Variants in RAB6B observed in about 807,000 individuals in gnomAD.
The protein encoded by RAB6B is RAB6B, member RAS oncogene family.
RAB6B carries 7 observed loss-of-function variants against 31.2 expected under a neutral mutation model. The observed-to-expected ratio is 0.22, with a 90% CI of 0.13 to 0.42. The LOEUF is 0.42. Among genes scored for constraint, RAB6B ranks in the 10% least tolerant of loss-of-function variants. The pLI, the probability that RAB6B is intolerant of heterozygous loss-of-function variation, is 1.00. For synonymous variants in RAB6B, 105 were observed against 104.9 expected (o/e 1.00, Z -0.01); for missense variants, 149 against 280.6 (o/e 0.53, Z 3.35).
chr3:133,834,810 C>T (rs570689868), intron 6 of RAB6B, among the ~76,000 whole-genome samples, 169 bp from the exon 7 acceptor site: 90 of 152,270 alleles, frequency 5.9e-4, no homozygotes, highest in Middle Eastern at 3.4e-3. Flanking sequence ...GTTCTCTCTC[C>T]CCCACCTCTC....
chr3:133,884,517 G>A (rs1038476424), intron 1 of RAB6B, among the ~76,000 whole-genome samples: 8 of 152,232 alleles, frequency 5.3e-5, no homozygotes, highest in Admixed American at 1.3e-4. Context: ...TGGGGACTCC[G>A]GAGCTTGCTG....
chr3:133,846,339 T>C (rs1180397798), intron 2 of RAB6B, among the ~76,000 whole-genome samples: 4 of 152,096 alleles, frequency 2.6e-5, no homozygotes, highest in Non-Finnish European at 5.9e-5. Flanking sequence ...CCCAGTTACT[T>C]AGAAGGCTGA....
chr3:133,848,813 G>A (rs1229208551), intron 2 of RAB6B, among the ~76,000 whole-genome samples: 2 of 151,662 alleles, frequency 1.3e-5, no homozygotes, highest in East Asian at 3.9e-4. Flanking sequence ...CCGTCACAAT[G>A]GGAATTCAAT....
chr3:133,860,829 G>T (rs891339888), intron 2 of RAB6B, among the ~76,000 whole-genome samples: 1 of 152,192 alleles, frequency 6.6e-6, no homozygotes, highest in African/African-American at 2.4e-5. Context: ...TAAGTCAGTG[G>T]TTTCCTAATT....
At chr3:133,840,002 A>G (rs1274593793) in intron 4 of RAB6B, among the ~76,000 whole-genome samples, 2 of 152,010 alleles carry the variant, frequency 1.3e-5, no homozygotes, top group African/African-American at 2.4e-5. Flanking sequence ...ACACACACAC[A>G]CACATGCGCG....
intron 1 of RAB6B, among the ~76,000 whole-genome samples, chr3:133,865,101 G>A (rs1016167607): frequency 6.6e-6 from 1 of 152,234 alleles, no homozygotes; most frequent in East Asian, 1.9e-4. Context: ...GATTGGTGGG[G>A]ACAGTGGCTT....
chr3:133,855,273 AGAAGC>A (rs547465187), intron 2 of RAB6B, among the ~76,000 whole-genome samples: 11 of 152,394 alleles, frequency 7.2e-5, no homozygotes, highest in Admixed American at 7.2e-4. Flanking sequence ...TATCCTTGCC[AGAAGC>A]GCAGTAATGC....
At chr3:133,849,014 C>G (rs1243910562) in intron 2 of RAB6B, among the ~76,000 whole-genome samples, 1 of 152,190 alleles carries the variant, frequency 6.6e-6, no homozygotes, top group Non-Finnish European at 1.5e-5. Flanking sequence ...CCAGCCTCCA[C>G]TTTATATTTT....
chr3:133,883,459 C>A (rs1212961675), intron 1 of RAB6B, among the ~76,000 whole-genome samples: 2 of 152,160 alleles, frequency 1.3e-5, no homozygotes, highest in African/African-American at 4.8e-5. Flanking sequence ...ATGGACAGCA[C>A]CCTGCCCGGA....
chr3:133,844,326 T>C (rs529876166), intron 2 of RAB6B, among the ~76,000 whole-genome samples: 41 of 152,300 alleles, frequency 2.7e-4, no homozygotes, highest in Non-Finnish European at 5.4e-4. Flanking sequence ...CTCTCTTAAT[T>C]CCTGCTTCCA....
chr3:133,829,832 C>T (rs1173432999), intron 7 of RAB6B, among the ~76,000 whole-genome samples: 1 of 152,156 alleles, frequency 6.6e-6, no homozygotes, highest in African/African-American at 2.4e-5. Flanking sequence ...TTTTGGCCAC[C>T]TCTAACAACC....
At chr3:133,846,918 T>C (rs1363753489) in intron 2 of RAB6B, among the ~76,000 whole-genome samples, 1 of 152,242 alleles carries the variant, frequency 6.6e-6, no homozygotes, top group Admixed American at 6.5e-5. Context: ...GAAAGTCACA[T>C]AATTTGTCAC....
chr3:133,865,434 A>G (rs568082447), intron 1 of RAB6B, among the ~76,000 whole-genome samples: 4 of 152,352 alleles, frequency 2.6e-5, no homozygotes, highest in African/African-American at 7.2e-5. Context: ...CACCCTGTGC[A>G]GCTCCCCTGG....
intron 1 of RAB6B, among the ~76,000 whole-genome samples, chr3:133,884,304 G>A (rs530750022): frequency 1.1e-4 from 16 of 152,346 alleles, no homozygotes; most frequent in Admixed American, 7.8e-4. Context: ...GAGCTGACCC[G>A]TGAGCAGGGG....
Position 133,858,445 on chromosome 3 carries a change from A to G in RAB6B, c.129+6139T>C, listed in dbSNP as rs528477250. On this transcript the variant is annotated intron_variant, in intron 2 of 7. Coordinates refer to ENST00000285208, the MANE Select transcript of RAB6B (RefSeq NM_016577.4). ...GCTTCAACTACAGTCATCTCCTCACAGCTCTGGAGGCTGGAGTCTGAGACT... is the reference window on the plus strand; with the variant it reads ...GCTTCAACTACAGTCATCTCCTCACGGCTCTGGAGGCTGGAGTCTGAGACT... 2.0e-3 allele frequency among the ~76,000 whole-genome samples: 307 copies of G among 152,296 alleles called. 2 individuals are homozygous for G. The highest frequency in any genetic ancestry group is 7.1e-3 in the African/African-American group (294 of 41,572).
At chr3:133,878,539 GA>G (rs1936426913) in intron 1 of RAB6B, among the ~76,000 whole-genome samples, 1 of 152,196 alleles carries the variant, frequency 6.6e-6, no homozygotes, top group South Asian at 2.1e-4. Context: ...AAATGTTAAA[GA>G]AAGTCCTTCA....
rs1935608589 is a variant in RAB6B at position 133,828,585 on chromosome 3, G to C, written c.*203C>G. ...TATATTACAACCAAACCAAAAAATA[G>C]TTGTTTAAGTAACAGCCGTTAAGAG... On this transcript the variant is annotated 3_prime_UTR_variant, in exon 8 of 8. Transcript: ENST00000285208. 1 of 646,030 alleles carries C rather than the reference G, an allele frequency of 1.5e-6. No individual in the cohort carries two copies. Among genetic ancestry groups the C allele is most frequent in the African/African-American group, 1.8e-5 (1 of 54,914 alleles). 40.0% of individuals were successfully genotyped at this position (646,030 alleles called of 1,614,324 possible). A position where few individuals can be genotyped will look rare whatever the true frequency, so the allele number is the denominator to read the frequency against.
At chr3:133,871,201 G>C (rs1362994022) in intron 1 of RAB6B, among the ~76,000 whole-genome samples, 2 of 152,234 alleles carry the variant, frequency 1.3e-5, no homozygotes, top group Admixed American at 1.3e-4. Context: ...ATGCACCTCT[G>C]GCCTCAAGCA....
At chr3:133,872,682 T>C (rs748687891) in intron 1 of RAB6B, among the ~76,000 whole-genome samples, 80 of 152,186 alleles carry the variant, frequency 5.3e-4, no homozygotes, top group Non-Finnish European at 1.0e-3. Flanking sequence ...CAGCTCCCAC[T>C]AGAGCCCTGA....
Sources: gnomAD v4.1 joint callset for allele counts (sites outside exome capture counted in the v4.1 genomes callset) on GRCh38, gnomAD v4.1.1 for gene constraint, MANE v1.5 for transcripts, NCBI Gene and HGNC (gene_info 2026-07-23, HGNC 2026-07-21) for gene names.